The following EXOC5 variants were observed in gnomAD, a reference collection of about 807,000 sequenced individuals.
EXOC5 encodes exocyst complex component 5.
Under a neutral mutation model 90.8 loss-of-function variants are expected in EXOC5, and 17 were observed. The ratio of observed to expected loss-of-function variants is 0.19; its 90% CI spans 0.13 to 0.28. EXOC5 has a LOEUF of 0.28. Among genes scored for constraint, EXOC5 ranks in the 10% least tolerant of loss-of-function variants. The pLI is 1.00. For missense variants in EXOC5, 569 were observed against 830.6 expected (o/e 0.69, Z 3.87); for synonymous variants, 260 against 270.0 (o/e 0.96, Z 0.36).
chr14:57,239,571 T>C (rs1052503139), intron 5 of EXOC5, 24 bp downstream of exon 5: 8 of 1,305,236 alleles, frequency 6.1e-6, no homozygotes, highest in Non-Finnish European at 6.4e-6. Flanking sequence ...CATATTCAAA[T>C]TAGCTCTTGA....
intron 8 of EXOC5, 39 bp downstream of exon 8, chr14:57,233,949 G>T: frequency 6.3e-7 from 1 of 1,588,880 alleles, no homozygotes; most frequent in Middle Eastern, 1.7e-4. Context: ...ACAACAATTA[G>T]CATAAAATAA....
rs1566720536 is a variant in EXOC5 at position 57,201,512 on chromosome 14, A to AAACACACATG, written c.*7096_*7097insCATGTGTGTT. The AAACACACATG allele has an allele frequency of 2.1e-5, 3 of 143,418 alleles. No individual in the cohort carries two copies. Among genetic ancestry groups the AAACACACATG allele is most frequent in the African/African-American group, 8.1e-5 (3 of 36,982 alleles). The allele number at this position is 143,418 out of a possible 1,614,324, so 8.9% of individuals were successfully genotyped here. On this transcript the variant is annotated 3_prime_UTR_variant, in exon 18 of 18. Coordinates refer to ENST00000621441, the MANE Select transcript of EXOC5 (RefSeq NM_006544.4). ...AACACACGTGTATATACACACACAT[A>AAACACACATG]TGTATATATATACACACACACCACA...
At chr14:57,242,794 T>C (rs186480010) in intron 4 of EXOC5, among the ~76,000 whole-genome samples, 1 of 152,298 alleles carries the variant, frequency 6.6e-6, no homozygotes, top group Non-Finnish European at 1.5e-5. Context: ...GATGGCTAAC[T>C]GGTAGAACTA....
chr14:57,244,367 A>T lies in EXOC5; in HGVS notation c.271-8T>A. Reference sequence around the variant, plus strand: ...GAAATGTTGGAAGGCAACCTAGGAAAAATGTGCATAAGCATAAAATACAAT... The same window carrying T: ...GAAATGTTGGAAGGCAACCTAGGAATAATGTGCATAAGCATAAAATACAAT... On this transcript the variant is annotated splice_region_variant and splice_polypyrimidine_tract_variant and intron_variant, in intron 3 of 17. Coordinates refer to ENST00000621441, the MANE Select transcript of EXOC5 (RefSeq NM_006544.4). 6.2e-7 allele frequency: 1 copy of T among 1,602,146 alleles called. No individual in the cohort carries two copies. The highest frequency in any genetic ancestry group is 8.6e-7 in the Non-Finnish European group (1 of 1,169,502).
intron 12 of EXOC5, among the ~76,000 whole-genome samples, chr14:57,224,003 T>G (rs1482113260): frequency 6.6e-6 from 1 of 152,138 alleles, no homozygotes; most frequent in Non-Finnish European, 1.5e-5. Context: ...TTAAAAGGAT[T>G]TGAACTGAAT....
Position 57,242,538 on chromosome 14 carries a change from CCAG to C in EXOC5, c.465+1624_465+1626del, listed in dbSNP as rs570200614. On this transcript the variant is annotated intron_variant, in intron 4 of 17. Transcript: ENST00000621441. ...GGATTGCAGGCCTGAGCCACCACAC[CCAG>C]CCAAGATGCCAAAAAAGAACAATTA... Among the ~76,000 whole-genome samples the C allele has an allele frequency of 2.3e-3, 355 of 152,106 alleles. 2 individuals are homozygous for C. Among genetic ancestry groups the C allele is most frequent in the African/African-American group, 8.3e-3 (344 of 41,484 alleles).
At chr14:57,218,482 T>C in intron 14 of EXOC5, among the ~76,000 whole-genome samples, 1 of 152,026 alleles carries the variant, frequency 6.6e-6, no homozygotes, top group African/African-American at 2.4e-5. Context: ...ACTATAAAAT[T>C]TGGAGGGTAA....
In EXOC5 at chr14:57,228,899, A is replaced by AAAATTATT. The variant is rs540812547; in HGVS notation, c.1296+827_1296+834dup. On this transcript the variant is annotated intron_variant, in intron 12 of 17. Coordinates refer to ENST00000621441, the MANE Select transcript of EXOC5 (RefSeq NM_006544.4). ...GTGTCTGGAACATATTATGTACTAT[A>AAAATTATT]AAATTATTAGCTACTATTATTTGTT... Among the ~76,000 whole-genome samples the AAAATTATT allele has an allele frequency of 1.7e-3, 261 of 151,952 alleles. 1 individual carries two copies. The highest frequency in any genetic ancestry group is 5.9e-3 in the African/African-American group (245 of 41,454).
chr14:57,253,878 CTAAAACTA>C (rs1884265561), intron 1 of EXOC5, among the ~76,000 whole-genome samples: 1 of 152,076 alleles, frequency 6.6e-6, no homozygotes, highest in African/African-American at 2.4e-5. Flanking sequence ...CTTGTAATAC[CTAAAACTA>C]TAAAACCCTT....
chr14:57,212,542 T>C (rs1882860349), intron 15 of EXOC5, among the ~76,000 whole-genome samples: 1 of 152,230 alleles, frequency 6.6e-6, no homozygotes, highest in South Asian at 2.1e-4. Flanking sequence ...TCAATTTCTG[T>C]AGGAGCCATC....
chr14:57,209,533 T>A, intron 17 of EXOC5, 34 bp downstream of exon 17: 2 of 1,219,508 alleles, frequency 1.6e-6, no homozygotes, highest in Non-Finnish European at 2.4e-6. Context: ...CTCCTGGGCC[T>A]ATTTGCAAGT....
chr14:57,258,346 A>C (rs1594683402), intron 1 of EXOC5, among the ~76,000 whole-genome samples: 1 of 152,228 alleles, frequency 6.6e-6, no homozygotes, highest in Admixed American at 6.5e-5. Flanking sequence ...GCACATATAT[A>C]CCATGGAATA....
Position 57,235,867 on chromosome 14 carries a change from C to T in EXOC5, c.560-47G>A, listed in dbSNP as rs201836147. ...TACACTGAGGCATACAAGGCATCCA[C>T]GTTATTTAAGAGTATCTACATTATT... On this transcript the variant is annotated intron_variant, in intron 6 of 17. Transcript: ENST00000621441. 113 of 884,178 alleles carry T rather than the reference C, an allele frequency of 1.3e-4. 4 individuals carry two copies. Among genetic ancestry groups the T allele is most frequent in the South Asian group, 1.1e-3 (77 of 69,852 alleles). 54.8% of individuals were successfully genotyped at this position (884,178 alleles called of 1,614,324 possible).
intron 1 of EXOC5, among the ~76,000 whole-genome samples, chr14:57,261,392 T>A (rs1319433171): frequency 6.6e-6 from 1 of 152,250 alleles, no homozygotes; most frequent in African/African-American, 2.4e-5. Context: ...TTTAATGACT[T>A]GCTTATTCCA....
rs1220141334 is a variant in EXOC5, at chr14:57,206,439, T to TTA, written c.*2168_*2169dup. 2.6e-5 allele frequency: 4 copies of TTA among 152,268 alleles called. No individual in the cohort carries two copies. The highest frequency in any genetic ancestry group is 9.7e-5 in the African/African-American group (4 of 41,392). 9.4% of individuals were successfully genotyped at this position (152,268 alleles called of 1,614,324 possible). On this transcript the variant is annotated 3_prime_UTR_variant, in exon 18 of 18. Coordinates refer to ENST00000621441, the MANE Select transcript of EXOC5 (RefSeq NM_006544.4). ...GTTTAGGATAAATTTCTAGTCTTGTTTATATAGTCAAGTATTTTTTGCTAA... is the reference window on the plus strand; with the variant it reads ...GTTTAGGATAAATTTCTAGTCTTGTTTATATATAGTCAAGTATTTTTTGCTAA...
intron 14 of EXOC5, 109 bp downstream of exon 14, chr14:57,219,213 C>T: frequency 1.8e-6 from 1 of 541,590 alleles, no homozygotes; most frequent in Non-Finnish European, 2.9e-6. Context: ...TCCAGTTTGA[C>T]ATTTTTTGTG....
At chr14:57,258,306 A>G (rs1884407517) in intron 1 of EXOC5, among the ~76,000 whole-genome samples, 1 of 152,236 alleles carries the variant, frequency 6.6e-6, no homozygotes, top group Admixed American at 6.5e-5. Context: ...CCAAATGCCC[A>G]TCAATGATAG....
intron 17 of EXOC5, among the ~76,000 whole-genome samples, chr14:57,209,259 G>A (rs1200933564): frequency 6.6e-6 from 1 of 151,886 alleles, no homozygotes; most frequent in Admixed American, 6.6e-5. Flanking sequence ...AGATGTGGTG[G>A]CTCATTCCTG....
At chr14:57,263,739 TAAAAAAAAAAA>T (rs550651836) in intron 1 of EXOC5, among the ~76,000 whole-genome samples, 1,581 of 39,372 alleles carry the variant, frequency 0.04, 44 homozygotes, top group African/African-American at 0.11. Context: ...CACTCCAGCC[TAAAAAAAAAAA>T]AAAAAAAAAA....
Sources: allele counts gnomAD v4.1 joint callset (sites outside exome capture counted in the v4.1 genomes callset), GRCh38; gene constraint gnomAD v4.1.1; transcripts MANE v1.5; gene names NCBI Gene and HGNC (gene_info 2026-07-23, HGNC 2026-07-21).